DAB1: variants seen among roughly 807,000 people sequenced by gnomAD.
DAB1 encodes DAB adaptor protein 1, also known as disabled homolog 1.
Under a neutral mutation model 64.6 loss-of-function variants are expected in DAB1, and 15 were observed. The observed-to-expected ratio is 0.23, with a 90% confidence interval of 0.16 to 0.36. DAB1 has a LOEUF of 0.36. Among genes scored for constraint, DAB1 ranks in the 10% least tolerant of loss-of-function variants. The pLI, the probability that DAB1 is intolerant of heterozygous loss-of-function variation, is 1.00. For synonymous variants in DAB1, 235 were observed against 251.9 expected (o/e 0.93, Z 0.64); for missense variants, 596 against 706.7 (o/e 0.84, Z 1.78).
chr1:57,479,327 G>T (rs984891266), intron 7 of DAB1, among the ~76,000 whole-genome samples: 1 of 151,898 alleles, frequency 6.6e-6, no homozygotes, highest in African/African-American at 2.4e-5. Context: ...AGTTTATGCA[G>T]GATGCTGGTC....
intron 6 of DAB1, among the ~76,000 whole-genome samples, chr1:57,813,641 T>C (rs1651727855): frequency 6.6e-6 from 1 of 152,206 alleles, no homozygotes; most frequent in Non-Finnish European, 1.5e-5. Flanking sequence ...TTGAAGTGAA[T>C]ATGCTGTGTA....
chr1:57,487,882 A>G (rs1051139372), intron 7 of DAB1, among the ~76,000 whole-genome samples: 1 of 152,254 alleles, frequency 6.6e-6, no homozygotes, highest in African/African-American at 2.4e-5. Flanking sequence ...ACAGATTGCC[A>G]TAATGTAGTT....
chr1:57,653,694 C>A (rs963221549), intron 6 of DAB1, among the ~76,000 whole-genome samples: 2 of 152,138 alleles, frequency 1.3e-5, no homozygotes, highest in African/African-American at 4.8e-5. Flanking sequence ...CTCACTGCAA[C>A]CTCTGCCTCC....
intron 7 of DAB1, among the ~76,000 whole-genome samples, chr1:57,617,159 G>T (rs1409896772): frequency 6.6e-6 from 1 of 152,106 alleles, no homozygotes; most frequent in Admixed American, 6.5e-5. Flanking sequence ...TGCTGTGAGT[G>T]TCAGCTGCTA....
intron 6 of DAB1, among the ~76,000 whole-genome samples, chr1:57,819,862 CA>C (rs1652039850): frequency 6.6e-6 from 1 of 152,182 alleles, no homozygotes; most frequent in African/African-American, 2.4e-5. Context: ...GAAAAAAACT[CA>C]AATTGCTGAC....
intron 4 of DAB1, among the ~76,000 whole-genome samples, chr1:58,295,053 T>C (rs995140374): frequency 2.0e-5 from 3 of 152,120 alleles, no homozygotes; most frequent in Non-Finnish European, 4.4e-5. Flanking sequence ...TTGTGGTCTT[T>C]GGAAAGCCTT....
intron 5 of DAB1, among the ~76,000 whole-genome samples, chr1:58,084,710 T>G (rs1460671872): frequency 6.6e-6 from 1 of 151,926 alleles, no homozygotes; most frequent in Non-Finnish European, 1.5e-5. Context: ...TCTCTGTGCC[T>G]CAGTTCCTCC....
At chr1:57,328,654 T>G (rs1676387824) in intron 1 of DAB1, among the ~76,000 whole-genome samples, 1 of 152,212 alleles carries the variant, frequency 6.6e-6, no homozygotes, top group South Asian at 2.1e-4. Context: ...GTCACAAAAC[T>G]AATAATGGGA....
At chr1:57,439,132 C>T (rs1164629538) in intron 7 of DAB1, among the ~76,000 whole-genome samples, 1 of 152,120 alleles carries the variant, frequency 6.6e-6, no homozygotes, top group East Asian at 1.9e-4. Flanking sequence ...TGAAAATGCC[C>T]TCTTTGCCAG....
intron 2 of DAB1, among the ~76,000 whole-genome samples, chr1:57,157,084 C>T (rs978226723): frequency 1.3e-5 from 2 of 152,172 alleles, no homozygotes; most frequent in Non-Finnish European, 2.9e-5. Context: ...CGTAAATGGC[C>T]TCCCACTCCA....
At chr1:57,337,088 A>G (rs1232264572) in intron 1 of DAB1, among the ~76,000 whole-genome samples, 1 of 152,194 alleles carries the variant, frequency 6.6e-6, no homozygotes, top group African/African-American at 2.4e-5. Flanking sequence ...GAATATCAAT[A>G]GCACTTGAAT....
At chr1:57,620,239 A>G (rs12061486) in intron 7 of DAB1, among the ~76,000 whole-genome samples, 2,416 of 152,116 alleles carry the variant, frequency 0.016, 73 homozygotes, top group African/African-American at 0.056. Context: ...TGGGCTTTCC[A>G]CAGGAAAATT....
At chr1:57,203,178 A>G (rs945334601) in intron 2 of DAB1, among the ~76,000 whole-genome samples, 1 of 152,162 alleles carries the variant, frequency 6.6e-6, no homozygotes, top group Non-Finnish European at 1.5e-5. Flanking sequence ...TAATTGCCCC[A>G]TAATCTTTCA....
At chr1:58,343,243 A>AGATGGATGGATGGATGGATG (rs144281159) in intron 4 of DAB1, 19 of 147,236 alleles carry the variant, frequency 1.3e-4, no homozygotes, top group African/African-American at 4.6e-4. Flanking sequence ...TGGAACATAT[A>AGATGGATGGATGGATGGATG]GATGGATGGA....
At chr1:58,381,536 C>T (rs890507063) in intron 3 of DAB1, among the ~76,000 whole-genome samples, 2 of 152,172 alleles carry the variant, frequency 1.3e-5, no homozygotes, top group Non-Finnish European at 2.9e-5. Context: ...CTATTGTAAA[C>T]AGTTCAGGGG....
At chr1:57,430,743 G>A (rs1024519933) in intron 7 of DAB1, among the ~76,000 whole-genome samples, 6 of 152,030 alleles carry the variant, frequency 3.9e-5, no homozygotes, top group Non-Finnish European at 8.8e-5. Context: ...CACAGAATGT[G>A]CACAATTTCA....
chr1:57,803,732 G>A (rs968231535), intron 6 of DAB1, among the ~76,000 whole-genome samples: 4 of 152,170 alleles, frequency 2.6e-5, no homozygotes, highest in African/African-American at 9.7e-5. Context: ...AAAGCTACAG[G>A]AAGAAAGTCT....
At chr1:58,048,284 C>A in intron 5 of DAB1, 1 of 1,266,064 alleles carries the variant, frequency 7.9e-7, no homozygotes, top group Non-Finnish European at 1.1e-6. Context: ...GGGGCCAGAG[C>A]TTCTGCCTCC....
chr1:57,988,938 C>A (rs1646285097), intron 5 of DAB1, among the ~76,000 whole-genome samples: 1 of 152,122 alleles, frequency 6.6e-6, no homozygotes. Context: ...GTTCTGGCTC[C>A]TTCTGTTTCC....
Sources: gnomAD v4.1 joint callset for allele counts (sites outside exome capture counted in the v4.1 genomes callset) on GRCh38, gnomAD v4.1.1 for gene constraint, MANE v1.5 for transcripts, NCBI Gene and HGNC (gene_info 2026-07-23, HGNC 2026-07-21) for gene names.